Variants in NME7 observed in about 807,000 individuals in gnomAD.
NME7 encodes the protein nucleoside diphosphate kinase 7.
NME7 carries 41 observed loss-of-function variants against 49.1 expected under a neutral mutation model. The observed-to-expected ratio is 0.83, with a 90% CI of 0.65 to 1.08. NME7 has a LOEUF of 1.08. Ranked by LOEUF, NME7 falls within the 50% of genes least tolerant of loss-of-function variation. The pLI is 0.00. For missense variants in NME7, 423 were observed against 463.4 expected (o/e 0.91, Z 0.80); for synonymous variants, 139 against 150.6 (o/e 0.92, Z 0.56).
chr1:169,298,937 G>GT (rs1192113231), intron 5 of NME7, among the ~76,000 whole-genome samples, 174 bp from the exon 6 acceptor site: 8 of 152,138 alleles, frequency 5.3e-5, no homozygotes, highest in African/African-American at 1.9e-4. Flanking sequence ...CATAAATTGA[G>GT]TGTCTTGCAG....
rs148146419 is a variant in NME7, at chr1:169,202,161, T to C, written c.990+28557A>G. ...ACATAGTAACTGATAGTTTGGATATTTGTCCCTGCCCAAATCTCATATTGA... is the reference window on the plus strand; with the variant it reads ...ACATAGTAACTGATAGTTTGGATATCTGTCCCTGCCCAAATCTCATATTGA... On this transcript the variant is annotated intron_variant, in intron 10 of 11. Transcript: ENST00000367811. Among the ~76,000 whole-genome samples the C allele has an allele frequency of 3.2e-3, 488 of 152,272 alleles. 2 individuals are homozygous for C. The highest frequency in any genetic ancestry group is 5.4e-3 in the Non-Finnish European group (367 of 68,010).
intron 5 of NME7, among the ~76,000 whole-genome samples, chr1:169,299,072 G>T (rs1331698690): frequency 2.0e-5 from 3 of 152,104 alleles, no homozygotes; most frequent in African/African-American, 7.2e-5. Flanking sequence ...TTTTCCCAGT[G>T]CTCTAACAGG....
At chr1:169,246,490 C>G (rs1648321904) in intron 7 of NME7, among the ~76,000 whole-genome samples, 1 of 152,170 alleles carries the variant, frequency 6.6e-6, no homozygotes, top group African/African-American at 2.4e-5. Flanking sequence ...ATTTCTGATC[C>G]TCCACTAACA....
rs1381398181 is a variant in NME7, at chr1:169,265,922, T to C, written c.754+21381A>G. 3.0e-5 allele frequency among the ~76,000 whole-genome samples: 4 copies of C among 131,472 alleles called. No individual in the cohort carries two copies. The East Asian group carries it at 8.1e-4, about 26-fold the overall frequency. 86.3% of individuals were successfully genotyped at this position (131,472 alleles called of 152,430 possible). On this transcript the variant is annotated intron_variant, in intron 7 of 11. Transcript: ENST00000367811. ...CTCCCAACACTGAACCAAGAAGAAA[T>C]TGAATCCTCAAGCAGACCAATAGTG...
intron 5 of NME7, among the ~76,000 whole-genome samples, chr1:169,300,379 AT>A (rs1218152178): frequency 1.3e-5 from 2 of 152,086 alleles, no homozygotes; most frequent in Non-Finnish European, 2.9e-5. Flanking sequence ...TTACATACAA[AT>A]TTTTTTAAAA....
At chr1:169,242,485 T>C (rs1648132341) in intron 7 of NME7, among the ~76,000 whole-genome samples, 1 of 152,066 alleles carries the variant, frequency 6.6e-6, no homozygotes, top group Non-Finnish European at 1.5e-5. Context: ...AGTGAAAGAC[T>C]GAATGCTTTC....
chr1:169,165,065 A>T (rs1659368452), intron 11 of NME7, among the ~76,000 whole-genome samples: 1 of 151,642 alleles, frequency 6.6e-6, no homozygotes, highest in Non-Finnish European at 1.5e-5. Flanking sequence ...ATAAGAGAAC[A>T]TTAACAGTGA....
At chr1:169,135,393 A>G (rs1435539221) in intron 11 of NME7, among the ~76,000 whole-genome samples, 1 of 152,232 alleles carries the variant, frequency 6.6e-6, no homozygotes, top group Admixed American at 6.5e-5. Context: ...TTAAAGGATT[A>G]GTAACACTTT....
At chr1:169,213,331 T>A (rs12141917) in intron 10 of NME7, among the ~76,000 whole-genome samples, 57,315 of 151,898 alleles carry the variant, frequency 0.38, 11,524 homozygotes, top group East Asian at 0.79. Flanking sequence ...TTTATAGAAC[T>A]TAACTACTGT....
At chr1:169,227,889 C>A (rs1231525273) in intron 10 of NME7, among the ~76,000 whole-genome samples, 3 of 152,110 alleles carry the variant, frequency 2.0e-5, no homozygotes, top group Non-Finnish European at 4.4e-5. Context: ...AAATATCTAA[C>A]AATGCAATTG....
intron 10 of NME7, among the ~76,000 whole-genome samples, chr1:169,179,740 A>C (rs1314822039): frequency 6.6e-6 from 1 of 152,182 alleles, no homozygotes; most frequent in Non-Finnish European, 1.5e-5. Flanking sequence ...CTCATTTATA[A>C]GTGAGAGCTA....
intron 4 of NME7, 75 bp downstream of exon 4, chr1:169,309,895 A>G (rs1651317715): frequency 1.1e-6 from 1 of 912,298 alleles, no homozygotes; most frequent in African/African-American, 1.7e-5. Flanking sequence ...ATTTTAAACA[A>G]TGACAAGAAA....
At chr1:169,235,110 T>C (rs931493125) in intron 9 of NME7, 21 bp downstream of exon 9, 5 of 1,359,898 alleles carry the variant, frequency 3.7e-6, no homozygotes, top group South Asian at 2.6e-5. Context: ...ACAAATGTTT[T>C]ACATTTACTT....
intron 7 of NME7, chr1:169,246,880 A>C (rs191651833): frequency 9.8e-4 from 367 of 373,782 alleles, no homozygotes; most frequent in Admixed American, 1.6e-3. Flanking sequence ...CATCTGGTCC[A>C]GTATAACAAC....
intron 11 of NME7, among the ~76,000 whole-genome samples, chr1:169,138,412 CTT>C (rs1658493372): frequency 6.6e-6 from 1 of 150,574 alleles, no homozygotes; most frequent in South Asian, 2.1e-4. Context: ...TCAGAGTTCT[CTT>C]TTAAAAACCT....
At chr1:169,179,972 GAA>G (rs66982541) in intron 10 of NME7, among the ~76,000 whole-genome samples, 50 of 143,728 alleles carry the variant, frequency 3.5e-4, no homozygotes, top group East Asian at 1.0e-3. Flanking sequence ...ATAAAAGTTG[GAA>G]AAAAAAAAAA....
intron 11 of NME7, among the ~76,000 whole-genome samples, chr1:169,149,119 T>C (rs528527360): frequency 6.6e-6 from 1 of 152,218 alleles, no homozygotes. Flanking sequence ...GGTGGGTGGA[T>C]GACCTGAGGT....
At chr1:169,288,079 A>G (rs778477601) in intron 6 of NME7, among the ~76,000 whole-genome samples, 6 of 151,984 alleles carry the variant, frequency 3.9e-5, no homozygotes, top group Non-Finnish European at 8.8e-5. Context: ...TTCCTATAAA[A>G]CCCTCTGACT....
At chr1:169,209,213 A>T (rs1660751359) in intron 10 of NME7, among the ~76,000 whole-genome samples, 1 of 152,072 alleles carries the variant, frequency 6.6e-6, no homozygotes, top group Admixed American at 6.6e-5. Flanking sequence ...GGGGTTCCAA[A>T]TTTACTAAAA....
Sources: gnomAD v4.1 joint callset for allele counts (sites outside exome capture counted in the v4.1 genomes callset) on GRCh38, gnomAD v4.1.1 for gene constraint, MANE v1.5 for transcripts, NCBI Gene and HGNC (gene_info 2026-07-23, HGNC 2026-07-21) for gene names.